AFDN: variants seen among roughly 807,000 people sequenced by gnomAD.
AFDN encodes the protein afadin.
AFDN carries 68 observed loss-of-function variants against 216.6 expected under a neutral mutation model. That is an observed-to-expected ratio of 0.31 (90% CI 0.26 to 0.38). AFDN has a LOEUF of 0.38. Among genes scored for constraint, AFDN ranks in the 10% least tolerant of loss-of-function variants. The pLI is 1.00. For missense variants in AFDN, 2,136 were observed against 2,342.0 expected, an observed-to-expected ratio of 0.91 and a Z score of 1.82; for synonymous variants, 868 against 853.7, an observed-to-expected ratio of 1.02 and a Z score of -0.29.
intron 26 of AFDN, among the ~76,000 whole-genome samples, chr6:167,944,930 T>C (rs1247701976): frequency 1.3e-5 from 2 of 152,144 alleles, no homozygotes; most frequent in Non-Finnish European, 2.9e-5. Context: ...CCATGACTAC[T>C]GTGGACTTTA....
chr6:167,947,831 T>G (rs374715189), intron 27 of AFDN, 22 bp from the exon 28 acceptor site: 1 of 1,536,266 alleles, frequency 6.5e-7, no homozygotes, highest in African/African-American at 1.4e-5. Flanking sequence ...ACACTTTTTT[T>G]TTTCCCCCCT....
intron 30 of AFDN, chr6:167,954,346 A>T: frequency 2.8e-6 from 2 of 720,618 alleles, no homozygotes; most frequent in East Asian, 5.9e-5. Flanking sequence ...GTCGAAACAC[A>T]GATGACGCAT....
At chr6:167,871,591 A>G in intron 3 of AFDN, among the ~76,000 whole-genome samples, 1 of 152,228 alleles carries the variant, frequency 6.6e-6, no homozygotes, top group East Asian at 1.9e-4. Flanking sequence ...TGTAAAAATA[A>G]TGCATCTCTG....
chr6:167,866,357 A>G (rs1014428352), intron 2 of AFDN, among the ~76,000 whole-genome samples: 6 of 152,146 alleles, frequency 3.9e-5, no homozygotes, highest in Non-Finnish European at 7.4e-5. Flanking sequence ...TGCCTCAGGT[A>G]TGAGGAAAGC....
chr6:167,840,536 T>C (rs1780947236), intron 1 of AFDN, among the ~76,000 whole-genome samples: 1 of 152,250 alleles, frequency 6.6e-6, no homozygotes, highest in Non-Finnish European at 1.5e-5. Context: ...AGAATGAAGA[T>C]GACTAGATCA....
intron 6 of AFDN, 28 bp downstream of exon 6, chr6:167,880,545 C>A: frequency 6.3e-7 from 1 of 1,599,690 alleles, no homozygotes; most frequent in South Asian, 1.1e-5. Context: ...ATCAGTAGTT[C>A]TTTCTACTTC....
intron 15 of AFDN, among the ~76,000 whole-genome samples, chr6:167,913,049 G>A (rs926494256): frequency 6.6e-6 from 1 of 152,078 alleles, no homozygotes; most frequent in East Asian, 1.9e-4. Flanking sequence ...TAAGTAGTAA[G>A]CACACCATAT....
intron 26 of AFDN, among the ~76,000 whole-genome samples, chr6:167,945,480 A>G (rs1286850700): frequency 6.6e-6 from 1 of 152,166 alleles, no homozygotes; most frequent in Non-Finnish European, 1.5e-5. Context: ...TAAACAAGCA[A>G]CCCAGTCGCA....
chr6:167,851,002 C>T (rs1020401690), intron 1 of AFDN, among the ~76,000 whole-genome samples: 3 of 152,066 alleles, frequency 2.0e-5, no homozygotes, highest in Admixed American at 6.6e-5. Flanking sequence ...TCAGGCGATT[C>T]TCCTGCCTCC....
chr6:167,890,491 A>G (rs1376009365), intron 7 of AFDN, among the ~76,000 whole-genome samples: 1 of 151,938 alleles, frequency 6.6e-6, no homozygotes, highest in Non-Finnish European at 1.5e-5. Flanking sequence ...ACATTTTTAT[A>G]TGTGTATTTG....
chr6:167,888,568 T>G (rs1787164331), intron 6 of AFDN, among the ~76,000 whole-genome samples: 1 of 152,192 alleles, frequency 6.6e-6, no homozygotes, highest in Non-Finnish European at 1.5e-5. Flanking sequence ...TTTCTTAGAT[T>G]ATTAAAAAAA....
intron 2 of AFDN, among the ~76,000 whole-genome samples, chr6:167,865,232 ACCT>A (rs1331905009): frequency 6.6e-6 from 1 of 151,820 alleles, no homozygotes; most frequent in East Asian, 1.9e-4. Flanking sequence ...TCTTAAGGAA[ACCT>A]CCTTATGTAT....
chr6:167,878,499 A>G (rs190969284), intron 5 of AFDN, among the ~76,000 whole-genome samples: 1 of 152,286 alleles, frequency 6.6e-6, no homozygotes, highest in Non-Finnish European at 1.5e-5. Context: ...GGAAAGCACA[A>G]GTGACATTTT....
Position 167,943,130 on chromosome 6 carries a change from G to T in AFDN, c.3101G>T (p.Gly1034Val), listed in dbSNP as rs762869891. 3.1e-6 allele frequency: 5 copies of T among 1,613,464 alleles called. No individual in the cohort carries two copies. In the East Asian group the frequency reaches 6.7e-5, roughly 22 times the overall value. The change falls in exon 24 of 34, where the codon GGT becomes GTT. Residue 1034 changes from glycine to valine, a missense_variant and splice_region_variant. Coordinates refer to ENST00000683244, the MANE Select transcript of AFDN (RefSeq NM_001386888.1). ...GMGLSIVAAK[G>V]AGQDKLGIYV... ...GTTTTCGCCTTGTTTTTGCAATAGGGTGCTGGTCAAGATAAACTAGGAATC... is the reference window on the plus strand; with the variant it reads ...GTTTTCGCCTTGTTTTTGCAATAGGTTGCTGGTCAAGATAAACTAGGAATC...
intron 8 of AFDN, 40 bp downstream of exon 8, chr6:167,891,069 C>T: frequency 7.0e-7 from 1 of 1,425,362 alleles, no homozygotes; most frequent in Non-Finnish European, 9.3e-7. Flanking sequence ...TATTAATGTG[C>T]ATTTTTAGCT....
intron 15 of AFDN, among the ~76,000 whole-genome samples, chr6:167,912,612 G>A (rs1313114591): frequency 1.3e-5 from 2 of 152,152 alleles, no homozygotes; most frequent in East Asian, 3.9e-4. Flanking sequence ...AACAAACATG[G>A]ATTTCCTTTT....
chr6:167,851,618 A>C (rs1782317510), intron 1 of AFDN, among the ~76,000 whole-genome samples: 1 of 152,216 alleles, frequency 6.6e-6, no homozygotes, highest in Non-Finnish European at 1.5e-5. Context: ...ACCCTGTGAA[A>C]TAGTAGCCCC....
chr6:167,914,004 G>A (rs971314401), intron 16 of AFDN, 164 bp from the exon 17 acceptor site: 40 of 625,764 alleles, frequency 6.4e-5, no homozygotes, highest in Non-Finnish European at 7.0e-5. Context: ...CCATTGCTAT[G>A]TATGCACCCA....
chr6:167,952,289 A>G, intron 30 of AFDN, 102 bp downstream of exon 30: 1 of 1,584,772 alleles, frequency 6.3e-7, no homozygotes, highest in Non-Finnish European at 8.6e-7. Flanking sequence ...GATAAGGATT[A>G]AAAGGGCCCC....
Sources: allele counts gnomAD v4.1 joint callset (sites outside exome capture counted in the v4.1 genomes callset), GRCh38; gene constraint gnomAD v4.1.1; transcripts MANE v1.5; gene names NCBI Gene and HGNC (gene_info 2026-07-23, HGNC 2026-07-21).